Variants in CRK observed in about 807,000 individuals in gnomAD.
The protein encoded by CRK is CRK proto-oncogene, adaptor protein.
A neutral mutation model predicts 29.8 loss-of-function variants in CRK; 4 were observed. The observed-to-expected ratio is 0.13, with a 90% CI of 0.07 to 0.31. The LOEUF is 0.31. Ranked by LOEUF, CRK falls within the 10% of genes least tolerant of loss-of-function variation. The pLI is 1.00. For missense variants in CRK, 274 were observed against 396.5 expected, an observed-to-expected ratio of 0.69 and a Z score of 2.62; for synonymous variants, 153 against 164.9, an observed-to-expected ratio of 0.93 and a Z score of 0.55.
At chr17:1,436,506 G>A in intron 2 of CRK, 114 bp downstream of exon 2, 2 of 1,163,374 alleles carry the variant, frequency 1.7e-6, no homozygotes, top group Non-Finnish European at 2.4e-6. Context: ...GTGCTTAGCG[G>A]CTTGCCATCT....
At chr17:1,446,643 C>G (rs536470188) in intron 1 of CRK, among the ~76,000 whole-genome samples, 182 of 142,016 alleles carry the variant, frequency 1.3e-3, no homozygotes, top group Non-Finnish European at 1.8e-3. Flanking sequence ...CTAGGCTGGA[C>G]TGCAGTGGCG....
chr17:1,449,395 T>G (rs2150912938), intron 1 of CRK, among the ~76,000 whole-genome samples: 1 of 152,296 alleles, frequency 6.6e-6, no homozygotes, highest in Non-Finnish European at 1.5e-5. Flanking sequence ...CTCAGTTATG[T>G]TATTAAGATT....
chr17:1,437,191 T>A (rs1598298843), intron 1 of CRK, 36 bp from the exon 2 acceptor site: 1 of 1,532,100 alleles, frequency 6.5e-7, no homozygotes, highest in South Asian at 1.3e-5. Context: ...TTTAATGATG[T>A]ACTACACTGG....
In CRK at chr17:1,421,147, C is replaced by G. The variant is rs2073720680; in HGVS notation, c.*2366G>C. 2 of 152,146 alleles carry G rather than the reference C, an allele frequency of 1.3e-5. No homozygotes were observed. Among genetic ancestry groups the G allele is most frequent in the Admixed American group, 6.6e-5 (1 of 15,262 alleles). The allele number at this position is 152,146 out of a possible 1,614,324, so 9.4% of individuals were successfully genotyped here. On this transcript the variant is annotated 3_prime_UTR_variant, in exon 3 of 3. Coordinates refer to ENST00000300574, the MANE Select transcript of CRK (RefSeq NM_016823.4). Reference sequence around the variant, plus strand: ...CTTGAGGGGCATTAACTGCCACACTCAACAGTCAAATCCAGCCCAGTGGTT... The same window carrying G: ...CTTGAGGGGCATTAACTGCCACACTGAACAGTCAAATCCAGCCCAGTGGTT...
chr17:1,430,805 T>A (rs141617702), intron 2 of CRK, among the ~76,000 whole-genome samples: 2 of 150,784 alleles, frequency 1.3e-5, no homozygotes, highest in Admixed American at 6.6e-5. Flanking sequence ...CTGTGGCTCA[T>A]GCCTGTAATC....
chr17:1,433,375 C>T (rs1234656647), intron 2 of CRK, among the ~76,000 whole-genome samples: 1 of 152,128 alleles, frequency 6.6e-6, no homozygotes. Context: ...CAAATTCATA[C>T]ACACAAAACC....
intron 2 of CRK, among the ~76,000 whole-genome samples, chr17:1,429,730 A>C (rs1322500212): frequency 6.6e-6 from 1 of 152,042 alleles, no homozygotes; most frequent in Non-Finnish European, 1.5e-5. Flanking sequence ...GGAGTTCAAG[A>C]TCAGTCTAGG....
At chr17:1,438,331 T>C (rs975649256) in intron 1 of CRK, among the ~76,000 whole-genome samples, 5 of 152,092 alleles carry the variant, frequency 3.3e-5, no homozygotes, top group African/African-American at 9.7e-5. Context: ...GGTTTCACTA[T>C]GTTGCCCAGG....
At chr17:1,451,587 T>A (rs537771075) in intron 1 of CRK, among the ~76,000 whole-genome samples, 1 of 152,096 alleles carries the variant, frequency 6.6e-6, no homozygotes, top group Non-Finnish European at 1.5e-5. Context: ...GATGCGGCTG[T>A]ATGTGCCTGT....
At chr17:1,451,728 A>T (rs554303807) in intron 1 of CRK, among the ~76,000 whole-genome samples, 1 of 151,830 alleles carries the variant, frequency 6.6e-6, no homozygotes, top group East Asian at 1.9e-4. Flanking sequence ...GGAAAAAAAA[A>T]CAAAAAACAC....
At chr17:1,443,169 G>GCCCC (rs774171162) in intron 1 of CRK, among the ~76,000 whole-genome samples, 2 of 149,572 alleles carry the variant, frequency 1.3e-5, no homozygotes, top group Non-Finnish European at 3.0e-5. Flanking sequence ...TAGTAGAGAT[G>GCCCC]GGGGTTTCAC....
chr17:1,445,145 CA>C (rs35590167), intron 1 of CRK, among the ~76,000 whole-genome samples: 6,376 of 140,382 alleles, frequency 0.045, 185 homozygotes, highest in East Asian at 0.096. Context: ...GAGACACCGT[CA>C]AAAAAAAAAA....
rs568481748 is a variant in CRK, at chr17:1,423,866, G to C, written c.778-216C>G. On this transcript the variant is annotated intron_variant, in intron 2 of 2. Coordinates refer to ENST00000300574, the MANE Select transcript of CRK (RefSeq NM_016823.4). Reference sequence around the variant, plus strand: ...GTTTTTAGCAGTGTGGAAAAACAGAGAATACAGAAAGTAAAAGGGATTCCA... The same window carrying C: ...GTTTTTAGCAGTGTGGAAAAACAGACAATACAGAAAGTAAAAGGGATTCCA... Among the ~76,000 whole-genome samples the C allele has an allele frequency of 2.3e-4, 35 of 152,244 alleles. No homozygotes were observed. The East Asian group carries it at 6.0e-3, about 26-fold the overall frequency.
At chr17:1,446,836 G>A (rs1353284039) in intron 1 of CRK, among the ~76,000 whole-genome samples, 2 of 151,576 alleles carry the variant, frequency 1.3e-5, no homozygotes, top group South Asian at 2.1e-4. Flanking sequence ...CTCGTGATCC[G>A]CCCGCCTCGG....
intron 1 of CRK, among the ~76,000 whole-genome samples, chr17:1,453,592 C>G (rs1169616490): frequency 1.3e-5 from 2 of 152,168 alleles, no homozygotes; most frequent in Non-Finnish European, 2.9e-5. Context: ...AGCTTATAGA[C>G]CCCATACTCA....
rs565467162 is a variant in CRK at position 1,431,751 on chromosome 17, T to G, written c.777+4869A>C. Reference sequence around the variant, plus strand: ...TACAGGCATGTGCACCACACTTGGCTAATTCTTGTAATGATGGGTTTCACC... The same window carrying G: ...TACAGGCATGTGCACCACACTTGGCGAATTCTTGTAATGATGGGTTTCACC... On this transcript the variant is annotated intron_variant, in intron 2 of 2. Coordinates refer to ENST00000300574, the MANE Select transcript of CRK (RefSeq NM_016823.4). Among the ~76,000 whole-genome samples, 5 of 152,280 alleles carry G rather than the reference T, an allele frequency of 3.3e-5. No homozygotes were observed. In the East Asian group the frequency reaches 9.7e-4, roughly 29 times the overall value.
At chr17:1,424,454 G>A (rs192335923) in intron 2 of CRK, 1 of 152,334 alleles carries the variant, frequency 6.6e-6, no homozygotes, top group African/African-American at 2.4e-5. Context: ...ACAGCAGAAA[G>A]CGATCATGGC....
intron 1 of CRK, among the ~76,000 whole-genome samples, chr17:1,446,147 G>C (rs1172032452): frequency 2.6e-5 from 4 of 152,304 alleles, no homozygotes; most frequent in Admixed American, 2.6e-4. Context: ...GCTCAGAGAA[G>C]TTCACAGCAT....
chr17:1,453,225 C>G (rs1463803383), intron 1 of CRK, among the ~76,000 whole-genome samples: 2 of 152,206 alleles, frequency 1.3e-5, no homozygotes, highest in Non-Finnish European at 2.9e-5. Context: ...TCTTCACCGT[C>G]TTTCCTCAGC....
Sources: allele counts gnomAD v4.1 joint callset (sites outside exome capture counted in the v4.1 genomes callset), GRCh38; gene constraint gnomAD v4.1.1; transcripts MANE v1.5; gene names NCBI Gene and HGNC (gene_info 2026-07-23, HGNC 2026-07-21).